NR2C2: variants seen among roughly 807,000 people sequenced by gnomAD.
The protein encoded by NR2C2 is Nuclear hormone receptor TR4.
Under a neutral mutation model 62.9 loss-of-function variants are expected in NR2C2, and 6 were observed. The ratio of observed to expected loss-of-function variants is 0.10; its 90% CI spans 0.05 to 0.19. The LOEUF (loss-of-function observed/expected upper bound fraction) is 0.19. Among genes scored for constraint, NR2C2 ranks in the 10% least tolerant of loss-of-function variants. NR2C2 has a pLI of 1.00. For missense variants in NR2C2, 479 were observed against 762.7 expected, an observed-to-expected ratio of 0.63 and a Z score of 4.38; for synonymous variants, 272 against 273.8, an observed-to-expected ratio of 0.99 and a Z score of 0.07.
At chr3:14,964,181 A>G (rs1328035063) in intron 1 of NR2C2, among the ~76,000 whole-genome samples, 2 of 152,228 alleles carry the variant, frequency 1.3e-5, no homozygotes, top group African/African-American at 4.8e-5. Context: ...TCTGGTCAAA[A>G]AATAAAAAAT....
rs1162766578 is a variant in NR2C2 at position 15,032,460 on chromosome 3, A to G, written c.1192A>G (p.Met398Val). ...TGCATCCCGTCTGCTTTTCCTCTCA[A>G]TGCACTGGGCTCGGTCAATCCCAGC... ...ESASRLLFLS[M>V]HWARSIPAFQ... The change falls in exon 10 of 14, where the codon ATG becomes GTG. Residue 398 changes from methionine to valine, a missense_variant. Physicochemically the swap from Met to Val is conservative, Grantham distance 21. Transcript: ENST00000425241. 6.2e-7 allele frequency: 1 copy of G among 1,614,098 alleles called. No individual in the cohort carries two copies. Among genetic ancestry groups the G allele is most frequent in the East Asian group, 2.2e-5 (1 of 44,878 alleles).
In NR2C2 at chr3:15,004,692, A is replaced by G. The variant is rs2041118028; in HGVS notation, c.72+706A>G. 6.6e-6 allele frequency: 10 copies of G among 1,516,826 alleles called. No homozygotes were observed. The South Asian group carries it at 9.9e-5, about 15-fold the overall frequency. 94.0% of individuals were successfully genotyped at this position (1,516,826 alleles called of 1,614,324 possible). A position where few individuals can be genotyped will look rare whatever the true frequency, so the allele number is the denominator to read the frequency against. Reference sequence around the variant, plus strand: ...ATGACAAAGATTTATTGTTATCTCAACAAGCTGAATCAAAAAGCCAATTAT... The same window carrying G: ...ATGACAAAGATTTATTGTTATCTCAGCAAGCTGAATCAAAAAGCCAATTAT... On this transcript the variant is annotated intron_variant, in intron 2 of 13. Transcript: ENST00000425241.
chr3:15,028,554 C>G (rs777477630), intron 7 of NR2C2, 32 bp from the exon 8 acceptor site: 1 of 1,597,900 alleles, frequency 6.3e-7, no homozygotes, highest in Admixed American at 1.7e-5. Flanking sequence ...TATCTGTGTT[C>G]ATTTTTAATG....
chr3:14,970,057 C>T (rs2039990352), intron 1 of NR2C2, among the ~76,000 whole-genome samples: 1 of 152,248 alleles, frequency 6.6e-6, no homozygotes, highest in Non-Finnish European at 1.5e-5. Flanking sequence ...CAAAGTAGTA[C>T]ATATACATAC....
chr3:14,965,678 T>A (rs1356000268), intron 1 of NR2C2, among the ~76,000 whole-genome samples: 1 of 152,122 alleles, frequency 6.6e-6, no homozygotes, highest in African/African-American at 2.4e-5. Context: ...TGTTTTTTTT[T>A]GAGACAGAGT....
In NR2C2 at chr3:14,969,719, C is replaced by G. The variant is rs77978144; in HGVS notation, c.-40+21813C>G. 3.3e-4 allele frequency among the ~76,000 whole-genome samples: 51 copies of G among 152,254 alleles called. No homozygotes were observed. The East Asian group carries it at 9.8e-3, about 29-fold the overall frequency. On this transcript the variant is annotated intron_variant, in intron 1 of 13. Coordinates refer to ENST00000425241, the MANE Select transcript of NR2C2 (RefSeq NM_001291694.2). The stretch of plus-strand genomic sequence containing the variant: ...TGGCTTTACAACCCTTTTCCTTGAT[C>G]CCTGGGCTATGTAAGGGGCTCTCAG...
At chr3:14,974,431 G>A (rs2040141827) in intron 1 of NR2C2, among the ~76,000 whole-genome samples, 1 of 152,100 alleles carries the variant, frequency 6.6e-6, no homozygotes, top group Non-Finnish European at 1.5e-5. Flanking sequence ...ATACATCATT[G>A]GGGTTTTGAC....
chr3:15,022,569 C>G (rs1203945703), intron 5 of NR2C2, among the ~76,000 whole-genome samples: 1 of 151,964 alleles, frequency 6.6e-6, no homozygotes, highest in East Asian at 1.9e-4. Context: ...CCACACCTGG[C>G]TAATTTTTGT....
At chr3:15,035,507 A>G (rs977049417) in intron 11 of NR2C2, among the ~76,000 whole-genome samples, 7 of 152,266 alleles carry the variant, frequency 4.6e-5, no homozygotes, top group Admixed American at 3.9e-4. Flanking sequence ...TCACAACCCT[A>G]TAAAGTAGGG....
At chr3:14,994,170 C>G (rs2040750995) in intron 1 of NR2C2, among the ~76,000 whole-genome samples, 1 of 152,058 alleles carries the variant, frequency 6.6e-6, no homozygotes, top group Non-Finnish European at 1.5e-5. Context: ...GTTTTTTTAT[C>G]CACTCATCTG....
intron 1 of NR2C2, among the ~76,000 whole-genome samples, chr3:14,988,280 A>G (rs1361337932): frequency 6.6e-6 from 1 of 152,226 alleles, no homozygotes; most frequent in Non-Finnish European, 1.5e-5. Flanking sequence ...AGTGAATCTT[A>G]TTGACCCCCT....
rs1439886237 is a variant in NR2C2, at chr3:15,044,567, A to G, written c.*1559A>G. ...CAGTGGCATGTGGAAGACCCGGTCA[A>G]TTGCTTTGTCTTTTGCTTTTTAAAT... On this transcript the variant is annotated 3_prime_UTR_variant, in exon 14 of 14. Coordinates refer to ENST00000425241, the MANE Select transcript of NR2C2 (RefSeq NM_001291694.2). 3 of 152,204 alleles carry G rather than the reference A, an allele frequency of 2.0e-5. No homozygotes were observed. Among genetic ancestry groups the G allele is most frequent in the East Asian group, 3.8e-4 (2 of 5,206 alleles). 9.4% of individuals were successfully genotyped at this position (152,204 alleles called of 1,614,324 possible). A position where few individuals can be genotyped will look rare whatever the true frequency, so the allele number is the denominator to read the frequency against.
intron 10 of NR2C2, 120 bp from the exon 11 acceptor site, chr3:15,034,550 T>TTA: frequency 3.0e-6 from 3 of 1,000,128 alleles, no homozygotes; most frequent in Non-Finnish European, 3.0e-6. Context: ...GGATAGCACT[T>TTA]CAATAAACAC....
At chr3:15,006,181 T>A (rs2041167702) in intron 2 of NR2C2, among the ~76,000 whole-genome samples, 1 of 152,190 alleles carries the variant, frequency 6.6e-6, no homozygotes, top group African/African-American at 2.4e-5. Flanking sequence ...CACTCCAGCC[T>A]GGGCCACAGA....
At chr3:14,964,134 C>T (rs886551015) in intron 1 of NR2C2, among the ~76,000 whole-genome samples, 6 of 151,908 alleles carry the variant, frequency 3.9e-5, no homozygotes, top group African/African-American at 1.5e-4. Flanking sequence ...CCAGTTTTAC[C>T]CTAGGCTAAT....
intron 4 of NR2C2, 94 bp downstream of exon 4, chr3:15,016,348 T>C: frequency 1.2e-6 from 1 of 829,068 alleles, no homozygotes; most frequent in Non-Finnish European, 2.0e-6. Flanking sequence ...AGAAGGACCA[T>C]TTTATGTACG....
intron 7 of NR2C2, among the ~76,000 whole-genome samples, chr3:15,027,996 T>A (rs2041870840): frequency 6.6e-6 from 1 of 151,870 alleles, no homozygotes; most frequent in African/African-American, 2.4e-5. Context: ...GTACCTGGGG[T>A]TACAGGCACC....
At chr3:14,957,501 A>G (rs893783459) in intron 1 of NR2C2, among the ~76,000 whole-genome samples, 7 of 152,202 alleles carry the variant, frequency 4.6e-5, no homozygotes, top group Admixed American at 2.6e-4. Flanking sequence ...ATCCACTTGG[A>G]TTTGAAAGAA....
At position 14,947,780 on chromosome 3, in the gene NR2C2, G is replaced by GC. The variant is rs2068181058; in HGVS notation, c.-161dup. The GC allele has an allele frequency of 6.7e-6, 1 of 149,232 alleles. No individual in the cohort carries two copies. The highest frequency in any genetic ancestry group is 2.4e-5 in the African/African-American group (1 of 40,870). 9.2% of individuals were successfully genotyped at this position (149,232 alleles called of 1,614,324 possible). On this transcript the variant is annotated 5_prime_UTR_variant, in exon 1 of 14. Transcript: ENST00000425241. ...TCGCCCGCTGCCCCGCGAGCCCGCG[G>GC]CCCCCGGGCTCCCGCCATCCGCCGA... is the stretch of plus-strand genomic sequence containing the variant.
Sources: allele counts gnomAD v4.1 joint callset (sites outside exome capture counted in the v4.1 genomes callset), GRCh38; gene constraint gnomAD v4.1.1; transcripts MANE v1.5; gene names NCBI Gene and HGNC (gene_info 2026-07-23, HGNC 2026-07-21).